MTUS2: variants seen among roughly 807,000 people sequenced by gnomAD.
MTUS2 encodes microtubule associated scaffold protein 2, also known as microtubule-associated tumor suppressor candidate 2.
Under a neutral mutation model 114.1 loss-of-function variants are expected in MTUS2, and 40 were observed. The ratio of observed to expected loss-of-function variants is 0.35; its 90% CI spans 0.27 to 0.46. The LOEUF is 0.46. Among genes scored for constraint, MTUS2 ranks in the 20% least tolerant of loss-of-function variants. MTUS2 has a pLI of 1.00. For synonymous variants in MTUS2, 688 were observed against 672.0 expected (o/e 1.02, Z -0.37); for missense variants, 1,679 against 1,705.4 (o/e 0.98, Z 0.27).
intron 5 of MTUS2, among the ~76,000 whole-genome samples, chr13:29,114,004 C>G (rs1243159095): frequency 6.6e-6 from 1 of 152,148 alleles, no homozygotes; most frequent in African/African-American, 2.4e-5. Flanking sequence ...TGTGACACCT[C>G]CCCCTGTCTC....
chr13:29,325,472 A>G (rs1440115931), intron 7 of MTUS2, among the ~76,000 whole-genome samples: 1 of 100,188 alleles, frequency 1.0e-5, no homozygotes, highest in Non-Finnish European at 2.3e-5. Flanking sequence ...AAAAAAAAAG[A>G]AAAGAAGAAG....
chr13:29,304,544 G>A (rs1260670940), intron 6 of MTUS2, among the ~76,000 whole-genome samples: 3 of 151,924 alleles, frequency 2.0e-5, no homozygotes, highest in Admixed American at 6.6e-5. Context: ...AAGATGAAGG[G>A]CATTACATAA....
intron 7 of MTUS2, chr13:29,339,455 T>C (rs9508377): frequency 0.19 from 29,551 of 153,028 alleles, 2,981 homozygotes; most frequent in Middle Eastern, 0.23. Context: ...TCCCTTGCTG[T>C]GCTGGCTGAG....
In MTUS2 at chr13:29,352,930, T is replaced by C. The variant is rs555047286; in HGVS notation, c.2906-6332T>C. ...GTTCTTATTTAGGTCTTTTTTGTCT[T>C]CCTTGTCTTACTTGACATGTTAAAT... On this transcript the variant is annotated intron_variant, in intron 7 of 15. Coordinates refer to ENST00000612955, the MANE Select transcript of MTUS2 (RefSeq NM_001033602.4). Among the ~76,000 whole-genome samples the C allele has an allele frequency of 3.3e-5, 5 of 152,342 alleles. No individual in the cohort carries two copies. In the East Asian group the frequency reaches 7.7e-4, roughly 24 times the overall value.
chr13:29,349,820 T>A (rs1288286763), intron 7 of MTUS2, among the ~76,000 whole-genome samples: 1 of 152,208 alleles, frequency 6.6e-6, no homozygotes, highest in Non-Finnish European at 1.5e-5. Context: ...TTTTGAGCAG[T>A]TTGATTACAA....
intron 5 of MTUS2, among the ~76,000 whole-genome samples, chr13:29,270,894 G>A (rs943170141): frequency 1.3e-5 from 2 of 152,228 alleles, no homozygotes; most frequent in African/African-American, 2.4e-5. Context: ...GGGCAAGCCC[G>A]GGGATCTTCC....
At chr13:28,976,063 G>A (rs61950559) in intron 2 of MTUS2, among the ~76,000 whole-genome samples, 4 of 151,978 alleles carry the variant, frequency 2.6e-5, no homozygotes, top group Non-Finnish European at 5.9e-5. Flanking sequence ...AAATAGGCAG[G>A]TGCGGTGGTG....
intron 5 of MTUS2, among the ~76,000 whole-genome samples, chr13:29,153,681 G>A (rs570843344): frequency 6.6e-6 from 1 of 152,252 alleles, no homozygotes; most frequent in South Asian, 2.1e-4. Context: ...CTCTTGCTAA[G>A]TGACCCTCAG....
At chr13:28,899,402 C>A (rs897080809) in intron 2 of MTUS2, among the ~76,000 whole-genome samples, 6 of 152,112 alleles carry the variant, frequency 3.9e-5, no homozygotes, top group Non-Finnish European at 8.8e-5. Context: ...TGTAAGAAAT[C>A]GAGCTGTTTC....
At chr13:29,325,111 C>A (rs1900424668) in intron 7 of MTUS2, among the ~76,000 whole-genome samples, 1 of 152,114 alleles carries the variant, frequency 6.6e-6, no homozygotes, top group Non-Finnish European at 1.5e-5. Flanking sequence ...TATTTGCATT[C>A]AGATATGAAT....
intron 5 of MTUS2, among the ~76,000 whole-genome samples, chr13:29,229,119 A>G (rs1896225250): frequency 6.6e-6 from 1 of 151,998 alleles, no homozygotes; most frequent in African/African-American, 2.4e-5. Flanking sequence ...AGACTTTGAT[A>G]CCTTGATTCT....
chr13:29,499,734 T>C (rs1320215112), intron 14 of MTUS2, among the ~76,000 whole-genome samples: 2 of 152,258 alleles, frequency 1.3e-5, no homozygotes, highest in Non-Finnish European at 2.9e-5. Flanking sequence ...AAATGTCCCT[T>C]GCATCTGTAT....
intron 2 of MTUS2, among the ~76,000 whole-genome samples, chr13:28,852,399 T>C (rs1876337320): frequency 6.6e-6 from 1 of 152,090 alleles, no homozygotes; most frequent in African/African-American, 2.4e-5. Flanking sequence ...TCATTAAATA[T>C]CTGTTAGAAA....
At chr13:29,173,382 A>G (rs749172670) in intron 5 of MTUS2, among the ~76,000 whole-genome samples, 10 of 152,194 alleles carry the variant, frequency 6.6e-5, no homozygotes, top group Non-Finnish European at 1.3e-4. Flanking sequence ...CTTTAGGTCT[A>G]AATGTTAATG....
At chr13:28,833,650 A>C (rs1365581721) in intron 1 of MTUS2, among the ~76,000 whole-genome samples, 2 of 152,126 alleles carry the variant, frequency 1.3e-5, no homozygotes, top group Non-Finnish European at 2.9e-5. Flanking sequence ...GGAACAGGCA[A>C]GGATGTCTAC....
intron 1 of MTUS2, among the ~76,000 whole-genome samples, chr13:28,822,210 CA>C: frequency 6.6e-6 from 1 of 152,194 alleles, no homozygotes; most frequent in African/African-American, 2.4e-5. Context: ...CCCAAATATC[CA>C]AATCTAGGAG....
intron 6 of MTUS2, among the ~76,000 whole-genome samples, chr13:29,283,219 C>T (rs1898345669): frequency 6.6e-6 from 1 of 152,214 alleles, no homozygotes; most frequent in South Asian, 2.1e-4. Flanking sequence ...ACTAGACTAG[C>T]TGGAACCTCT....
chr13:29,306,966 G>C (rs1462254261), intron 6 of MTUS2: 4 of 547,542 alleles, frequency 7.3e-6, no homozygotes, highest in Non-Finnish European at 1.4e-5. Flanking sequence ...TCAAGGCTGA[G>C]AACAGGAAGC....
chr13:29,191,021 G>A (rs1461043883), intron 5 of MTUS2, among the ~76,000 whole-genome samples: 2 of 152,118 alleles, frequency 1.3e-5, no homozygotes, highest in South Asian at 2.1e-4. Flanking sequence ...AGTGAGCGGC[G>A]TTACCTTACA....
Sources: gnomAD v4.1 joint callset for allele counts (sites outside exome capture counted in the v4.1 genomes callset) on GRCh38, gnomAD v4.1.1 for gene constraint, MANE v1.5 for transcripts, NCBI Gene and HGNC (gene_info 2026-07-23, HGNC 2026-07-21) for gene names.